The following MARCHF1 variants were observed in gnomAD, a reference collection of about 807,000 sequenced individuals.
MARCHF1 encodes the protein membrane associated ring-CH-type finger 1, also known as E3 ubiquitin-protein ligase MARCHF1.
In MARCHF1, 40 loss-of-function variants were observed where a neutral mutation model predicts 54.2. The observed-to-expected ratio is 0.74, with a 90% confidence interval of 0.57 to 0.96. MARCHF1 has a LOEUF of 0.96. Among genes scored for constraint, MARCHF1 ranks in the 40% least tolerant of loss-of-function variants. The pLI is 0.00. For synonymous variants in MARCHF1, 236 were observed against 236.3 expected, an observed-to-expected ratio of 1.00 and a Z score of 0.01; for missense variants, 586 against 656.5, an observed-to-expected ratio of 0.89 and a Z score of 1.17.
intron 1 of MARCHF1, among the ~76,000 whole-genome samples, chr4:164,303,831 T>C (rs1362008476): frequency 6.6e-6 from 1 of 152,078 alleles, no homozygotes; most frequent in Non-Finnish European, 1.5e-5. Flanking sequence ...TGAAACTTCA[T>C]GAGAAACAAA....
chr4:163,626,725 G>A (rs1186284276), intron 5 of MARCHF1, among the ~76,000 whole-genome samples: 1 of 152,052 alleles, frequency 6.6e-6, no homozygotes, highest in Non-Finnish European at 1.5e-5. Flanking sequence ...TCAGGACATC[G>A]AGACCATCCT....
intron 2 of MARCHF1, among the ~76,000 whole-genome samples, chr4:164,042,267 A>G (rs530788818): frequency 1.3e-5 from 2 of 152,252 alleles, no homozygotes; most frequent in East Asian, 3.9e-4. Context: ...ACACTGGTAT[A>G]AAGAACTACT....
chr4:164,311,890 GCTTT>G (rs1734858360), intron 1 of MARCHF1, among the ~76,000 whole-genome samples: 1 of 152,074 alleles, frequency 6.6e-6, no homozygotes, highest in African/African-American at 2.4e-5. Flanking sequence ...AAGATTTATG[GCTTT>G]CTATTTAATG....
intron 1 of MARCHF1, among the ~76,000 whole-genome samples, chr4:164,358,644 T>C (rs1231347742): frequency 2.0e-5 from 3 of 152,190 alleles, no homozygotes; most frequent in African/African-American, 7.2e-5. Context: ...TTCAGTAGTT[T>C]ATCATTTAAG....
At chr4:164,057,345 G>A (rs1358366479) in intron 2 of MARCHF1, among the ~76,000 whole-genome samples, 1 of 152,132 alleles carries the variant, frequency 6.6e-6, no homozygotes, top group Admixed American at 6.6e-5. Context: ...TGTGGTAGAA[G>A]TTTCATTAAA....
intron 5 of MARCHF1, among the ~76,000 whole-genome samples, chr4:163,683,043 A>C (rs1018039931): frequency 6.6e-6 from 1 of 152,208 alleles, no homozygotes; most frequent in African/African-American, 2.4e-5. Context: ...TAGAAGTATA[A>C]TATCTTGAGT....
chr4:164,007,512 T>C (rs980307530), intron 2 of MARCHF1, among the ~76,000 whole-genome samples: 1 of 152,012 alleles, frequency 6.6e-6, no homozygotes. Context: ...TATGCAAATC[T>C]ATCAAAAACA....
At chr4:164,205,066 T>C (rs773860392) in intron 1 of MARCHF1, among the ~76,000 whole-genome samples, 2 of 152,212 alleles carry the variant, frequency 1.3e-5, no homozygotes, top group South Asian at 4.1e-4. Flanking sequence ...TTTTACTGTA[T>C]CCATTCCTTT....
chr4:163,532,488 A>G (rs1738386571), intron 9 of MARCHF1, among the ~76,000 whole-genome samples: 1 of 151,954 alleles, frequency 6.6e-6, no homozygotes, highest in Non-Finnish European at 1.5e-5. Flanking sequence ...CTTCTAAAAG[A>G]TAAGAAAATT....
chr4:164,035,131 C>G (rs1274621284), intron 2 of MARCHF1, among the ~76,000 whole-genome samples: 1 of 151,950 alleles, frequency 6.6e-6, no homozygotes, highest in Non-Finnish European at 1.5e-5. Flanking sequence ...TGAAAATTTA[C>G]TTATATAATT....
rs563063750 is a variant in MARCHF1 at position 164,368,243 on chromosome 4, A to T, written c.-323+15627T>A. On this transcript the variant is annotated intron_variant, in intron 1 of 9. Transcript: ENST00000514618. ...TAAAAATAATATCATATAATTCTAG[A>T]TGAAGTAGAGATTTTTTTAAAATCA... Among the ~76,000 whole-genome samples the T allele has an allele frequency of 5.0e-4, 76 of 151,524 alleles. No individual in the cohort carries two copies. The South Asian group carries it at 7.5e-3, about 15-fold the overall frequency.
intron 1 of MARCHF1, among the ~76,000 whole-genome samples, chr4:164,254,199 G>A (rs1449234664): frequency 1.3e-5 from 2 of 151,824 alleles, no homozygotes; most frequent in Non-Finnish European, 2.9e-5. Context: ...TTACAGGTGT[G>A]TGCCACCATG....
At chr4:164,135,185 T>C (rs17579278) in intron 1 of MARCHF1, among the ~76,000 whole-genome samples, 62,351 of 152,094 alleles carry the variant, frequency 0.41, 14,021 homozygotes, top group Non-Finnish European at 0.5. Context: ...GTTAAAACTA[T>C]AGAGTTCTTC....
chr4:163,997,925 TACAC>T (rs5863648), intron 2 of MARCHF1, among the ~76,000 whole-genome samples: 53,711 of 147,912 alleles, frequency 0.36, 10,035 homozygotes, highest in South Asian at 0.42. Flanking sequence ...TTGCCTTAAA[TACAC>T]ACACACACAC....
intron 2 of MARCHF1, among the ~76,000 whole-genome samples, chr4:164,072,171 AAC>A (rs895144382): frequency 6.6e-6 from 1 of 152,236 alleles, no homozygotes; most frequent in African/African-American, 2.4e-5. Context: ...CAGTGAGAGT[AAC>A]ACAGAAACTG....
chr4:164,189,292 A>C, intron 1 of MARCHF1: 1 of 595,632 alleles, frequency 1.7e-6, no homozygotes, highest in South Asian at 2.1e-5. Context: ...ACATCAAGCA[A>C]GAATTGAAAT....
At chr4:163,671,990 A>T (rs1743752343) in intron 5 of MARCHF1, among the ~76,000 whole-genome samples, 1 of 152,206 alleles carries the variant, frequency 6.6e-6, no homozygotes, top group African/African-American at 2.4e-5. Context: ...AAAGATGAAA[A>T]TATAACTCAC....
At chr4:164,260,913 C>CT (rs1733442729) in intron 1 of MARCHF1, among the ~76,000 whole-genome samples, 1 of 152,154 alleles carries the variant, frequency 6.6e-6, no homozygotes, top group Non-Finnish European at 1.5e-5. Flanking sequence ...GATGAGATGA[C>CT]ATAGGCTGAG....
chr4:164,108,376 C>T (rs938512383), intron 2 of MARCHF1, among the ~76,000 whole-genome samples: 2 of 151,882 alleles, frequency 1.3e-5, no homozygotes, highest in African/African-American at 4.8e-5. Flanking sequence ...AATTTAATTA[C>T]ATTATTCTCT....
Sources: gnomAD v4.1 joint callset for allele counts (sites outside exome capture counted in the v4.1 genomes callset) on GRCh38, gnomAD v4.1.1 for gene constraint, MANE v1.5 for transcripts, NCBI Gene and HGNC (gene_info 2026-07-23, HGNC 2026-07-21) for gene names.